Variants in ORC2 observed in about 807,000 individuals in gnomAD.
ORC2 encodes the protein origin recognition complex protein 2 homolog.
Under a neutral mutation model 77.7 loss-of-function variants are expected in ORC2, and 37 were observed. The observed-to-expected ratio is 0.48, with a 90% CI of 0.37 to 0.63. The LOEUF (loss-of-function observed/expected upper bound fraction) is 0.63. Among genes scored for constraint, ORC2 ranks in the 20% least tolerant of loss-of-function variants. The pLI is 0.00. For missense variants in ORC2, 557 were observed against 661.9 expected, an observed-to-expected ratio of 0.84 and a Z score of 1.74; for synonymous variants, 201 against 229.5, an observed-to-expected ratio of 0.88 and a Z score of 1.12.
intron 4 of ORC2, among the ~76,000 whole-genome samples, chr2:200,955,037 T>C (rs1006302404): frequency 6.6e-6 from 1 of 152,144 alleles, no homozygotes; most frequent in Non-Finnish European, 1.5e-5. Context: ...CCTGGGGTAT[T>C]TGTCCTTGGT....
intron 4 of ORC2, among the ~76,000 whole-genome samples, chr2:200,950,165 A>C (rs2041325810): frequency 6.6e-6 from 1 of 152,114 alleles, no homozygotes. Context: ...CCTCGTCTCT[A>C]CTGAAAATAC....
At chr2:200,937,999 A>T in intron 7 of ORC2, 33 bp from the exon 8 acceptor site, 1 of 1,455,688 alleles carries the variant, frequency 6.9e-7, no homozygotes, top group Non-Finnish European at 9.5e-7. Flanking sequence ...TTAAATAATA[A>T]CATGGAAATT....
intron 15 of ORC2, among the ~76,000 whole-genome samples, chr2:200,918,438 A>C (rs1160513923): frequency 6.6e-6 from 1 of 152,002 alleles, no homozygotes. Flanking sequence ...AAAACAAAAA[A>C]GAAATTGTCT....
chr2:200,940,197 T>A (rs1044729277), intron 7 of ORC2, among the ~76,000 whole-genome samples: 2 of 152,238 alleles, frequency 1.3e-5, no homozygotes, highest in African/African-American at 4.8e-5. Context: ...CTACAATGCA[T>A]ATAGCATTCT....
chr2:200,920,183 G>A (rs1278156767), intron 15 of ORC2, 39 bp downstream of exon 15: 1 of 1,517,450 alleles, frequency 6.6e-7, no homozygotes, highest in Non-Finnish European at 9.0e-7. Context: ...ATCTTAAAAT[G>A]TATAGTTTTT....
intron 11 of ORC2, 54 bp downstream of exon 11, chr2:200,931,285 A>T (rs2040933548): frequency 1.4e-6 from 1 of 733,180 alleles, no homozygotes; most frequent in Non-Finnish European, 2.2e-6. Context: ...TAACATAAAG[A>T]TTCATGTAAA....
At chr2:200,917,562 G>A (rs1367062199) in intron 15 of ORC2, among the ~76,000 whole-genome samples, 3 of 152,196 alleles carry the variant, frequency 2.0e-5, no homozygotes, top group Admixed American at 6.5e-5. Context: ...TGATGGTACA[G>A]CTGAGTGTAT....
chr2:200,949,207 C>T (rs1265560942), intron 5 of ORC2, among the ~76,000 whole-genome samples: 2 of 150,612 alleles, frequency 1.3e-5, no homozygotes, highest in African/African-American at 2.4e-5. Flanking sequence ...CACCACTGCA[C>T]TCCAGCTTGG....
chr2:200,957,402 T>A lies in ORC2; in HGVS notation c.237A>T (p.Gln79His). Residue 79 changes from glutamine to histidine, a missense_variant and splice_region_variant, in exon 4 of 18, where the codon CAA becomes CAT. Transcript: ENST00000234296. ...NYVEIMGRDV[Q>H]ESLKNGSATG... Reference sequence around the variant, plus strand: ...TGTATATTTCACCCCCTCAAATACCTTGAACATCTCTTCCCATAATTTCCA... The same window carrying A: ...TGTATATTTCACCCCCTCAAATACCATGAACATCTCTTCCCATAATTTCCA... 1.9e-6 allele frequency: 3 copies of A among 1,587,780 alleles called. No homozygotes were observed. Among genetic ancestry groups the A allele is most frequent in the Non-Finnish European group, 1.7e-6 (2 of 1,168,262 alleles).
At chr2:200,926,081 G>C in intron 12 of ORC2, 149 bp from the exon 13 acceptor site, 1 of 383,532 alleles carries the variant, frequency 2.6e-6, no homozygotes, top group Non-Finnish European at 4.8e-6. Flanking sequence ...ACTGGTACTT[G>C]AGTATATCTA....
At chr2:200,932,662 C>A (rs1279493680) in intron 10 of ORC2, among the ~76,000 whole-genome samples, 2 of 152,070 alleles carry the variant, frequency 1.3e-5, no homozygotes, top group African/African-American at 4.8e-5. Context: ...AATTAATATT[C>A]ATGGAAAACT....
intron 1 of ORC2, among the ~76,000 whole-genome samples, chr2:200,959,661 A>C (rs1450964503): frequency 6.6e-6 from 1 of 152,210 alleles, no homozygotes; most frequent in Non-Finnish European, 1.5e-5. Flanking sequence ...GTGGGAAGAG[A>C]GGAGGACAAA....
At position 200,920,963 on chromosome 2, in the gene ORC2, T is replaced by A. The variant is rs116819057; in HGVS notation, c.1294+30A>T. The A allele has an allele frequency of 1.4e-3, 2,097 of 1,478,702 alleles. 31 individuals are homozygous for A. The African/African-American group carries it at 0.027, about 19-fold the overall frequency. 91.6% of individuals were successfully genotyped at this position (1,478,702 alleles called of 1,614,324 possible). On this transcript the variant is annotated intron_variant, in intron 14 of 17. Coordinates refer to ENST00000234296, the MANE Select transcript of ORC2 (RefSeq NM_006190.5). ...ATTTGTCTTGTAAGACTGATATCTC[T>A]AGAAGGAAAAATAGTAACAATTAAC... is the stretch of plus-strand genomic sequence containing the variant.
intron 10 of ORC2, among the ~76,000 whole-genome samples, chr2:200,933,468 G>C (rs954185205): frequency 3.3e-5 from 5 of 152,044 alleles, no homozygotes; most frequent in African/African-American, 1.2e-4. Context: ...GGATATCAAG[G>C]AACTATGACC....
chr2:200,933,974 T>C lies in ORC2; in HGVS notation c.709A>G (p.Ser237Gly), dbSNP rs779732929. 2 of 1,567,900 alleles carry C rather than the reference T, an allele frequency of 1.3e-6. No homozygotes were observed. The highest frequency in any genetic ancestry group is 2.7e-5 in the African/African-American group (2 of 73,932). Reference protein sequence around the residue: ...PSKRMKRDKTSDLVEEYFEAH... With the variant: ...PSKRMKRDKTGDLVEEYFEAH... ...TCAAAATATTCTTCTACTAAGTCAC[T>C]CTGAAAGTGAACAGAGTAGTCAGTC... The change falls in exon 10 of 18, where the codon AGT becomes GGT. Residue 237 changes from serine to glycine, a missense_variant and splice_region_variant. By Grantham distance (56) the Ser-to-Gly change is moderately conservative. Transcript: ENST00000234296.
At position 200,920,302 on chromosome 2, in the gene ORC2, G is replaced by A. The variant is rs1176428656; in HGVS notation, c.1386C>T (p.Asn462=). 1.4e-5 allele frequency: 22 copies of A among 1,613,600 alleles called. No individual in the cohort carries two copies. The highest frequency in any genetic ancestry group is 1.9e-5 in the Non-Finnish European group (22 of 1,179,690). The change falls in exon 15 of 18, where the codon AAC becomes AAT. Residue 462 remains asparagine (N), a synonymous_variant. Transcript: ENST00000234296. ...SPYTEETSYE[N]SLLVKQSGSL... ...ATCCAGACTGCTTTACCAGAAGAGA[G>A]TTCTCATAGGAGGTTTCTTCAGTAT...
At chr2:200,927,014 C>A in intron 11 of ORC2, 114 bp from the exon 12 acceptor site, 4 of 1,105,498 alleles carry the variant, frequency 3.6e-6, no homozygotes, top group Non-Finnish European at 5.2e-6. Flanking sequence ...AAGGGGTAGG[C>A]GCACTGGCTC....
rs748179228 is a variant in ORC2, at chr2:200,957,482, GCTT to G, written c.154_156del (p.Lys52del). On this transcript the variant is annotated inframe_deletion, in exon 4 of 18. Transcript: ENST00000234296. ...TCATCTTCCTCCAAATCATATTCTGGCTTCTTTATTATTTTTTTGGGGTTGACC... is the reference window on the plus strand; with the variant it reads ...TCATCTTCCTCCAAATCATATTCTGGCTTTATTATTTTTTTGGGGTTGACC... 1.2e-4 allele frequency: 200 copies of G among 1,610,066 alleles called. 2 individuals are homozygous for G. In the South Asian group the frequency reaches 2.1e-3, roughly 17 times the overall value.
chr2:200,920,994 G>A lies in ORC2; in HGVS notation c.1293C>T (p.Leu431=). 3.2e-6 allele frequency: 5 copies of A among 1,556,396 alleles called. No individual in the cohort carries two copies. Among genetic ancestry groups the A allele is most frequent in the Non-Finnish European group, 4.3e-6 (5 of 1,150,234 alleles). Residue 431 remains leucine, a splice_region_variant and synonymous_variant, in exon 14 of 18, where the codon CTC becomes CTT. Transcript: ENST00000234296. ...IASIDHLNAP[L]MWDHAKQSLF... is the part of the protein sequence containing the mutation. ...GAAAAATAGTAACAATTAACTTACT[G>A]AGAGGAGCATTGAGGTGGTCAATGG...
Sources: gnomAD v4.1 joint callset for allele counts (sites outside exome capture counted in the v4.1 genomes callset) on GRCh38, gnomAD v4.1.1 for gene constraint, MANE v1.5 for transcripts, NCBI Gene and HGNC (gene_info 2026-07-23, HGNC 2026-07-21) for gene names.